The following CAMTA1 variants were observed in gnomAD, a reference collection of about 807,000 sequenced individuals.
CAMTA1 encodes the protein calmodulin binding transcription activator 1.
A neutral mutation model predicts 170.9 loss-of-function variants in CAMTA1; 27 were observed. The observed-to-expected ratio is 0.16, with a 90% CI of 0.12 to 0.22. CAMTA1 has a LOEUF of 0.22. CAMTA1 is among the 10% of genes least tolerant of loss of function. The pLI is 1.00. For missense variants in CAMTA1, 1,619 were observed against 2,217.2 expected, an observed-to-expected ratio of 0.73 and a Z score of 5.42; for synonymous variants, 833 against 891.5, an observed-to-expected ratio of 0.93 and a Z score of 1.17.
At chr1:7,611,986 G>C (rs2095527042) in intron 6 of CAMTA1, among the ~76,000 whole-genome samples, 1 of 152,224 alleles carries the variant, frequency 6.6e-6, no homozygotes, top group Non-Finnish European at 1.5e-5. Context: ...AGATGGGCAG[G>C]GGCAGGAGCC....
intron 6 of CAMTA1, among the ~76,000 whole-genome samples, chr1:7,487,033 T>C (rs928574638): frequency 2.1e-5 from 3 of 145,250 alleles, no homozygotes; most frequent in Non-Finnish European, 4.6e-5. Context: ...AGGGGAAAAA[T>C]CCCTAACAAA....
chr1:6,878,026 A>G (rs1431648403), intron 3 of CAMTA1, among the ~76,000 whole-genome samples: 1 of 152,232 alleles, frequency 6.6e-6, no homozygotes, highest in Non-Finnish European at 1.5e-5. Context: ...GATAGACTGC[A>G]CGTATCTGTG....
At chr1:7,710,764 G>T (rs889889958) in intron 11 of CAMTA1, among the ~76,000 whole-genome samples, 2 of 151,876 alleles carry the variant, frequency 1.3e-5, no homozygotes, top group Non-Finnish European at 2.9e-5. Flanking sequence ...CTCAAGCAGG[G>T]AAGGGTCCCC....
intron 6 of CAMTA1, among the ~76,000 whole-genome samples, chr1:7,478,923 C>T (rs1175035926): frequency 1.3e-5 from 2 of 152,200 alleles, no homozygotes; most frequent in African/African-American, 4.8e-5. Context: ...AAGCAAAAGA[C>T]AAAACTTTGC....
At chr1:6,828,578 C>T (rs186044073) in intron 3 of CAMTA1, among the ~76,000 whole-genome samples, 3 of 152,270 alleles carry the variant, frequency 2.0e-5, no homozygotes, top group Admixed American at 6.5e-5. Flanking sequence ...GCGTGAACCA[C>T]TGCACCCGGC....
intron 6 of CAMTA1, among the ~76,000 whole-genome samples, chr1:7,622,263 G>A (rs935875961): frequency 2.0e-5 from 3 of 152,180 alleles, no homozygotes; most frequent in African/African-American, 7.2e-5. Context: ...CATTTTACCT[G>A]GGAGGGATAC....
At chr1:7,365,625 T>C (rs1329746493) in intron 5 of CAMTA1, among the ~76,000 whole-genome samples, 1 of 152,226 alleles carries the variant, frequency 6.6e-6, no homozygotes, top group Admixed American at 6.5e-5. Flanking sequence ...GACCCCCTTC[T>C]TGGAGAATGA....
At chr1:7,624,108 A>G (rs1472640282) in intron 6 of CAMTA1, among the ~76,000 whole-genome samples, 1 of 152,258 alleles carries the variant, frequency 6.6e-6, no homozygotes, top group Non-Finnish European at 1.5e-5. Context: ...CCCTCAGCCC[A>G]GCTTCTGTTT....
intron 5 of CAMTA1, among the ~76,000 whole-genome samples, chr1:7,316,176 A>C (rs1243225357): frequency 6.6e-6 from 1 of 152,190 alleles, no homozygotes; most frequent in East Asian, 1.9e-4. Context: ...CGTTCCTCCC[A>C]TGACACACAG....
intron 5 of CAMTA1, among the ~76,000 whole-genome samples, chr1:7,272,692 CAAAAA>C (rs371588178): frequency 6.4e-4 from 25 of 38,808 alleles, no homozygotes; most frequent in Middle Eastern, 0.042. Context: ...TAAACACATG[CAAAAA>C]AAAAAAAAAA....
chr1:6,885,866 C>G (rs946603022), intron 3 of CAMTA1, among the ~76,000 whole-genome samples: 1 of 152,152 alleles, frequency 6.6e-6, no homozygotes, highest in Non-Finnish European at 1.5e-5. Context: ...CTTCTCTGCA[C>G]GAGTCCTTCC....
rs555518318 is a variant in CAMTA1 at position 7,408,435 on chromosome 1, G to A, written c.439-59395G>A. Among the ~76,000 whole-genome samples the A allele has an allele frequency of 1.3e-3, 196 of 152,292 alleles. 1 individual carries two copies. Among genetic ancestry groups the A allele is most frequent in the Admixed American group, 2.0e-3 (31 of 15,300 alleles). On this transcript the variant is annotated intron_variant, in intron 5 of 22. Coordinates refer to ENST00000303635, the MANE Select transcript of CAMTA1 (RefSeq NM_015215.4). ...TCCCCTCCTCCCCATGCCTCGCCTC[G>A]CTCCTGCCAGGTGTGCTGTCTTGGC...
At chr1:7,043,057 C>T (rs994421555) in intron 3 of CAMTA1, among the ~76,000 whole-genome samples, 2 of 152,192 alleles carry the variant, frequency 1.3e-5, no homozygotes, top group African/African-American at 4.8e-5. Flanking sequence ...GACACGCAGC[C>T]CCAGCTTTCT....
chr1:7,751,897 C>G (rs2096900383), intron 20 of CAMTA1, among the ~76,000 whole-genome samples: 1 of 152,164 alleles, frequency 6.6e-6, no homozygotes, highest in Non-Finnish European at 1.5e-5. Context: ...GTATATGATG[C>G]TACATTCCGA....
In CAMTA1 at chr1:7,492,336, G is replaced by C. The variant is rs148544693; in HGVS notation, c.510+24435G>C. On this transcript the variant is annotated intron_variant, in intron 6 of 22. Coordinates refer to ENST00000303635, the MANE Select transcript of CAMTA1 (RefSeq NM_015215.4). ...CTGCTTAGGGCTGGGCAGGGCTTAC[G>C]GGCGTGACATGCATAGAGGCTCAGA... is the stretch of plus-strand genomic sequence containing the variant. Among the ~76,000 whole-genome samples, 89 of 152,304 alleles carry C rather than the reference G, an allele frequency of 5.8e-4. No individual in the cohort carries two copies. The East Asian group carries it at 0.016, about 27-fold the overall frequency.
intron 7 of CAMTA1, among the ~76,000 whole-genome samples, chr1:7,655,561 CAA>C (rs2095893284): frequency 1.3e-5 from 2 of 150,370 alleles, no homozygotes; most frequent in South Asian, 4.2e-4. Context: ...CCTATACACA[CAA>C]ACACACCCAC....
intron 3 of CAMTA1, chr1:6,888,152 T>C (rs1170065872): frequency 2.0e-5 from 20 of 984,528 alleles, no homozygotes; most frequent in Non-Finnish European, 2.3e-5. Flanking sequence ...CTTCAGTGCA[T>C]AGGACAGTGC....
chr1:7,160,590 C>T (rs986489442), intron 4 of CAMTA1, among the ~76,000 whole-genome samples: 1 of 152,158 alleles, frequency 6.6e-6, no homozygotes, highest in African/African-American at 2.4e-5. Context: ...TTCCTATGCT[C>T]ATCCCTTCTA....
chr1:7,165,787 T>C (rs1648279737), intron 4 of CAMTA1, among the ~76,000 whole-genome samples: 1 of 152,234 alleles, frequency 6.6e-6, no homozygotes, highest in Admixed American at 6.5e-5. Context: ...TATGTATTTA[T>C]TAACAATACA....
Sources: allele counts gnomAD v4.1 joint callset (sites outside exome capture counted in the v4.1 genomes callset), GRCh38; gene constraint gnomAD v4.1.1; transcripts MANE v1.5; gene names NCBI Gene and HGNC (gene_info 2026-07-23, HGNC 2026-07-21).